Variants in MID1 observed in about 807,000 individuals in gnomAD.
MID1 encodes the protein midline 1.
A neutral mutation model predicts 40.4 loss-of-function variants in MID1; 7 were observed. The ratio of observed to expected loss-of-function variants is 0.17; its 90% CI spans 0.10 to 0.33. The LOEUF (loss-of-function observed/expected upper bound fraction) is 0.33, where lower values mean the gene tolerates loss of function less well. Ranked by LOEUF, MID1 falls within the 10% of genes least tolerant of loss-of-function variation. The pLI, the probability that MID1 is intolerant of heterozygous loss-of-function variation, is 1.00. For missense variants in MID1, 367 were observed against 558.5 expected (o/e 0.66, Z 3.46); for synonymous variants, 229 against 221.2 (o/e 1.04, Z -0.31).
intron 4 of MID1, among the ~76,000 whole-genome samples, chrX:10,489,598 T>A (rs1930816993): frequency 8.9e-6 from 1 of 112,243 alleles, no homozygotes; most frequent in African/African-American, 3.2e-5. Context: ...TATTTGTCTA[T>A]CTTTATACAA....
intron 2 of MID1, among the ~76,000 whole-genome samples, chrX:10,560,529 G>A (rs779311416): frequency 9.0e-6 from 1 of 111,241 alleles, no homozygotes; most frequent in African/African-American, 3.3e-5. Flanking sequence ...AAAGTCTCAG[G>A]ATACAAAATC....
intron 1 of MID1, among the ~76,000 whole-genome samples, chrX:10,819,354 A>G (rs780495631): frequency 8.9e-6 from 1 of 112,245 alleles, no homozygotes; most frequent in African/African-American, 3.2e-5. Flanking sequence ...ATGCATACCC[A>G]TCTATTTGTA....
At chrX:10,471,843 C>CAAAAT (rs1403636762) in intron 6 of MID1, among the ~76,000 whole-genome samples, 1 of 111,642 alleles carries the variant, frequency 9.0e-6, no homozygotes, top group Non-Finnish European at 1.9e-5. Flanking sequence ...AACGTATGTT[C>CAAAAT]AAAATAGGCA....
chrX:10,542,973 A>G (rs1192533567), intron 2 of MID1, among the ~76,000 whole-genome samples: 1 of 112,598 alleles, frequency 8.9e-6, no homozygotes, highest in African/African-American at 3.2e-5. Context: ...ATTCCCTGGT[A>G]TATAAGTGCT....
At chrX:10,460,819 T>C (rs1928980536) in intron 7 of MID1, among the ~76,000 whole-genome samples, 1 of 111,197 alleles carries the variant, frequency 9.0e-6, no homozygotes, top group Admixed American at 9.6e-5. Flanking sequence ...TAATCTTTTT[T>C]TGGTCTCACC....
intron 1 of MID1, among the ~76,000 whole-genome samples, chrX:10,606,904 TA>T (rs1935634768): frequency 9.0e-6 from 1 of 110,669 alleles, no homozygotes; most frequent in Non-Finnish European, 1.9e-5. Context: ...GCTAATTTTT[TA>T]TTTGTTTTGT....
intron 1 of MID1, among the ~76,000 whole-genome samples, chrX:10,763,926 G>C (rs779743207): frequency 1.8e-5 from 2 of 112,070 alleles, no homozygotes; most frequent in Non-Finnish European, 3.8e-5. Context: ...GTGATGATGA[G>C]CATTTTTTCA....
chrX:10,516,609 T>TGCGCGC (rs367713528), intron 3 of MID1, among the ~76,000 whole-genome samples: 1 of 50,369 alleles, frequency 2.0e-5, no homozygotes, highest in East Asian at 6.0e-4. Flanking sequence ...TGTGTGTGTG[T>TGCGCGC]GCGCGCGCGC....
At position 10,630,202 on chromosome X, in the gene MID1, TAGAC is replaced by T. The variant is rs762280756; in HGVS notation, c.-186-9787_-186-9784del. Among the ~76,000 whole-genome samples the T allele has an allele frequency of 7.1e-5, 8 of 111,970 alleles. No individual in the cohort carries two copies. The East Asian group carries it at 2.2e-3, about 31-fold the overall frequency. On this transcript the variant is annotated intron_variant, in intron 1 of 10. Coordinates refer to the MID1 transcript ENST00000380785. ...GAGCATACCTTCTAGTGAAGGGAGA[TAGAC>T]AAACACATCAACAAATAAGTAGAAA... is the stretch of plus-strand genomic sequence containing the variant.
At chrX:10,553,616 A>G (rs1486958627) in intron 2 of MID1, among the ~76,000 whole-genome samples, 2 of 112,325 alleles carry the variant, frequency 1.8e-5, no homozygotes, top group African/African-American at 6.5e-5. Context: ...ATTTCAAGTG[A>G]TGAAATGATT....
Position 10,696,539 on chromosome X carries a change from C to A in MID1, c.-186-76120G>T, listed in dbSNP as rs2043164914. ...TGCTCTACAACTCGCCTCAGTCTCT[C>A]ACACTGCAGTTATGCCCCCTTGGTC... On this transcript the variant is annotated intron_variant, in intron 1 of 10. Coordinates refer to the MID1 transcript ENST00000380785. Among the ~76,000 whole-genome samples the A allele has an allele frequency of 1.8e-5, 2 of 111,943 alleles. 1 individual carries two copies. The highest frequency in any genetic ancestry group is 7.5e-4 in the South Asian group (2 of 2,650).
At chrX:10,711,046 C>T (rs997372555) in intron 1 of MID1, among the ~76,000 whole-genome samples, 39 of 111,571 alleles carry the variant, frequency 3.5e-4, no homozygotes, top group African/African-American at 1.2e-3. Flanking sequence ...ACTATGGTGC[C>T]TCCTCTTCAC....
intron 1 of MID1, among the ~76,000 whole-genome samples, chrX:10,716,206 C>T (rs1339708877): frequency 6.2e-5 from 7 of 112,044 alleles, no homozygotes; most frequent in Admixed American, 9.5e-5. Flanking sequence ...ATGATTTTGA[C>T]GAGTTGAGAG....
At chrX:10,586,413 C>T (rs1022926359) in intron 1 of MID1, among the ~76,000 whole-genome samples, 1 of 111,548 alleles carries the variant, frequency 9.0e-6, no homozygotes, top group Non-Finnish European at 1.9e-5. Context: ...CATCCACGTA[C>T]AGCTCTCGGT....
chrX:10,612,979 T>A (rs1935759434), intron 1 of MID1, among the ~76,000 whole-genome samples: 1 of 112,238 alleles, frequency 8.9e-6, no homozygotes, highest in South Asian at 3.7e-4. Flanking sequence ...CTAATGTATT[T>A]CGTACAGAAG....
chrX:10,748,749 G>A (rs776566147), intron 1 of MID1, among the ~76,000 whole-genome samples: 17 of 111,876 alleles, frequency 1.5e-4, no homozygotes, highest in African/African-American at 5.5e-4. Context: ...AATCTACTGT[G>A]TGCAGTAGAT....
intron 7 of MID1, among the ~76,000 whole-genome samples, chrX:10,462,320 G>GAGTA (rs1225242028): frequency 8.9e-6 from 1 of 111,842 alleles, no homozygotes; most frequent in African/African-American, 3.3e-5. Flanking sequence ...CTGGGGGCTG[G>GAGTA]AGTAAGTGGG....
chrX:10,829,121 G>C (rs2044235022), intron 1 of MID1, among the ~76,000 whole-genome samples: 1 of 111,974 alleles, frequency 8.9e-6, no homozygotes, highest in Non-Finnish European at 1.9e-5. Flanking sequence ...ATGCTGTTTT[G>C]TTCCCCCAAG....
At chrX:10,612,858 G>A (rs1935757318) in intron 1 of MID1, among the ~76,000 whole-genome samples, 1 of 111,887 alleles carries the variant, frequency 8.9e-6, no homozygotes, top group South Asian at 3.8e-4. Context: ...TCTAGGTGTA[G>A]AACCTAAGTC....
Sources: gnomAD v4.1 joint callset for allele counts (sites outside exome capture counted in the v4.1 genomes callset) on GRCh38, gnomAD v4.1.1 for gene constraint, MANE v1.5 for transcripts, NCBI Gene and HGNC (gene_info 2026-07-23, HGNC 2026-07-21) for gene names.